The following SYNE1 variants were observed in gnomAD, a reference collection of about 807,000 sequenced individuals.
SYNE1 encodes nesprin-1.
In SYNE1, 616 loss-of-function variants were observed where a neutral mutation model predicts 1,111.0. The observed-to-expected ratio is 0.55, with a 90% confidence interval of 0.52 to 0.59. The LOEUF (loss-of-function observed/expected upper bound fraction) is 0.59. Among genes scored for constraint, SYNE1 ranks in the 20% least tolerant of loss-of-function variants. SYNE1 has a pLI of 0.00. For missense variants in SYNE1, 10,006 were observed against 10,417.0 expected (o/e 0.96, Z 1.72); for synonymous variants, 3,855 against 3,825.8 (o/e 1.01, Z -0.28).
chr6:152,139,896 G>T, intron 140 of SYNE1, 54 bp downstream of exon 140: 1 of 1,584,900 alleles, frequency 6.3e-7, no homozygotes, highest in Non-Finnish European at 8.6e-7. Context: ...CTGCACGGTC[G>T]TTCACGCGGT....
intron 93 of SYNE1, among the ~76,000 whole-genome samples, chr6:152,299,353 A>G (rs972477768): frequency 6.6e-6 from 1 of 152,238 alleles, no homozygotes; most frequent in Non-Finnish European, 1.5e-5. Context: ...AGTAATACAT[A>G]TTTTAAAATG....
chr6:152,254,910 T>G lies in SYNE1; in HGVS notation c.19440A>C (p.Lys6480Asn). 1 of 1,613,968 alleles carries G rather than the reference T, an allele frequency of 6.2e-7. No homozygotes were observed. Among genetic ancestry groups the G allele is most frequent in the Non-Finnish European group, 8.5e-7 (1 of 1,179,934 alleles). ...SVVNQRCHQMKERLQQILNFQ... is the reference protein window; with the variant it reads ...SVVNQRCHQMNERLQQILNFQ... ...AATTTAGTATTTGCTGAAGTCTTTC[T>G]TTCATCTGATGACATCGTTGATTCA... Residue 6480 changes from lysine (K) to asparagine (N), a missense_variant, in exon 104 of 146, where the codon AAA becomes AAC. By Grantham distance (94) the Lys-to-Asn change is moderately conservative. Transcript: ENST00000367255.
chr6:152,348,291 A>G (rs1002540087), intron 72 of SYNE1, among the ~76,000 whole-genome samples: 5 of 152,214 alleles, frequency 3.3e-5, no homozygotes, highest in African/African-American at 1.2e-4. Context: ...CAGGCTTTAG[A>G]CACAGCTCGG....
intron 60 of SYNE1, 150 bp from the exon 61 acceptor site, chr6:152,369,277 C>G: frequency 7.4e-7 from 1 of 1,349,210 alleles, no homozygotes. Context: ...CCGTGGAGCA[C>G]AAATCATGGA....
chr6:152,310,830 G>C lies in SYNE1; in HGVS notation c.16754C>G (p.Ala5585Gly). The C allele has an allele frequency of 6.2e-7, 1 of 1,614,030 alleles. No individual in the cohort carries two copies. ...ESKEIDSELE[A>G]MTEKLQYLTS... is the part of the protein sequence containing the mutation. ...GAGGTACTGTAATTTCTCAGTCATT[G>C]CTTCCAGCTCACTGTCAATTTCTTT... is the stretch of plus-strand genomic sequence containing the variant. Residue 5585 changes from alanine to glycine, a missense_variant, in exon 88 of 146, where the codon GCA becomes GGA. Transcript: ENST00000367255.
At chr6:152,544,462 A>T (rs1210131951) in intron 3 of SYNE1, among the ~76,000 whole-genome samples, 2 of 152,130 alleles carry the variant, frequency 1.3e-5, no homozygotes, top group African/African-American at 4.8e-5. Context: ...TACAGGCCTC[A>T]GGAATTGGAG....
At chr6:152,533,586 T>C (rs1455278102) in intron 4 of SYNE1, among the ~76,000 whole-genome samples, 1 of 152,088 alleles carries the variant, frequency 6.6e-6, no homozygotes, top group Non-Finnish European at 1.5e-5. Flanking sequence ...CCTCTACTGC[T>C]ACTATCTTGG....
At position 152,462,797 on chromosome 6, in the gene SYNE1, G is replaced by A. The variant is rs778291618; in HGVS notation, c.2191C>T (p.Leu731Phe). 1 of 1,614,012 alleles carries A rather than the reference G, an allele frequency of 6.2e-7. No individual in the cohort carries two copies. Among genetic ancestry groups the A allele is most frequent in the Non-Finnish European group, 8.5e-7 (1 of 1,179,942 alleles). The change falls in exon 20 of 146, where the codon CTT becomes TTT. Residue 731 changes from leucine (L) to phenylalanine (F), a missense_variant. Transcript: ENST00000367255. ...AAAGAGACTTCTAAGGGTTCAGAAA[G>A]TTTCTTATGGGCTTCCGTTGCAAAA... ...SAFATEAHKK[L>F]SEPLEVSFMN...
rs561497164 is a variant in SYNE1, at chr6:152,491,514, G to A, written c.940-3011C>T. On this transcript the variant is annotated intron_variant, in intron 11 of 145. Coordinates refer to ENST00000367255, the MANE Select transcript of SYNE1 (RefSeq NM_182961.4). The stretch of plus-strand genomic sequence containing the variant: ...AGAACTTAAAACCTCTTCATCTCAC[G>A]CCTGACCTAAAACCTTACTGCCTTA... 8.6e-5 allele frequency among the ~76,000 whole-genome samples: 13 copies of A among 151,996 alleles called. 1 individual carries two copies. In the South Asian group the frequency reaches 2.3e-3, roughly 27 times the overall value.
At position 152,308,590 on chromosome 6, in the gene SYNE1, G is replaced by A; in HGVS notation, c.17245C>T (p.His5749Tyr). The A allele has an allele frequency of 1.2e-6, 2 of 1,608,760 alleles. No individual in the cohort carries two copies. Among genetic ancestry groups the A allele is most frequent in the Non-Finnish European group, 1.7e-6 (2 of 1,178,162 alleles). The change falls in exon 91 of 146, where the codon CAT becomes TAT. Residue 5749 changes from histidine (H) to tyrosine (Y), a missense_variant. This residue lies in a region of SYNE1 where 4,955 missense variants were observed against 5,017.2 expected (regional missense o/e 0.99). Coordinates refer to ENST00000367255, the MANE Select transcript of SYNE1 (RefSeq NM_182961.4). Reference protein sequence around the residue: ...QYEQYEQEMKHLQQLIEGAHR... With the variant: ...QYEQYEQEMKYLQQLIEGAHR... ...GCTCCTTCTATCAGTTGCTGGAGAT[G>A]TTTCATTTCTTGCTCATATTGTTCA... is the stretch of plus-strand genomic sequence containing the variant.
At position 152,180,314 on chromosome 6, in the gene SYNE1, A is replaced by T; in HGVS notation, c.23302-20T>A. ...GGAGAGCTGAAAAGTTTAAAATGGG[A>T]GAATAGGCAAAATGATTATCAGAGA... is the stretch of plus-strand genomic sequence containing the variant. On this transcript the variant is annotated intron_variant, in intron 128 of 145. Coordinates refer to ENST00000367255, the MANE Select transcript of SYNE1 (RefSeq NM_182961.4). 1 of 1,613,274 alleles carries T rather than the reference A, an allele frequency of 6.2e-7. No individual in the cohort carries two copies. Among genetic ancestry groups the T allele is most frequent in the African/African-American group, 1.3e-5 (1 of 75,038 alleles).
In SYNE1 at chr6:152,124,730, C is replaced by G. The variant is rs79997465; in HGVS notation, c.26154-2054G>C. Among the ~76,000 whole-genome samples, 31 of 152,092 alleles carry G rather than the reference C, an allele frequency of 2.0e-4. No individual in the cohort carries two copies. In the East Asian group the frequency reaches 5.8e-3, roughly 28 times the overall value. ...TATATTTTGTGAAAATATAGTAGAA[C>G]ATAAAAGAAGTATGTCATATACCTT... On this transcript the variant is annotated intron_variant, in intron 145 of 145. Coordinates refer to ENST00000367255, the MANE Select transcript of SYNE1 (RefSeq NM_182961.4).
intron 137 of SYNE1, 194 bp downstream of exon 137, chr6:152,147,851 A>G (rs1013084076): frequency 6.6e-6 from 4 of 604,376 alleles, no homozygotes; most frequent in Admixed American, 5.3e-5. Context: ...CCACAAATCT[A>G]CGTGGAATAA....
chr6:152,188,985 ATATATATATATATATATATAT>A (rs1429694584), intron 128 of SYNE1, among the ~76,000 whole-genome samples: 407 of 14,782 alleles, frequency 0.028, 18 homozygotes, highest in African/African-American at 0.083. Context: ...AAAAAAAAAA[ATATATATATATATATATATAT>A]ATATATATAT....
rs1198716202 is a variant in SYNE1, at chr6:152,293,538, A to G, written c.18012+50T>C. 27 of 1,608,362 alleles carry G rather than the reference A, an allele frequency of 1.7e-5. No individual in the cohort carries two copies. The East Asian group carries it at 6.0e-4, about 36-fold the overall frequency. On this transcript the variant is annotated intron_variant, in intron 95 of 145. Transcript: ENST00000367255. ...ATGCCTGACAGGCCAACCAGTCACA[A>G]CAGTGCCTTATTCAATCAAGTAGGA...
At chr6:152,599,296 A>G (rs1456291671) in intron 3 of SYNE1, among the ~76,000 whole-genome samples, 1 of 152,194 alleles carries the variant, frequency 6.6e-6, no homozygotes, top group African/African-American at 2.4e-5. Flanking sequence ...ACAGAGGAAG[A>G]ATGCTCTTTG....
intron 130 of SYNE1, among the ~76,000 whole-genome samples, chr6:152,166,628 T>C (rs1026954780): frequency 2.0e-5 from 3 of 152,240 alleles, no homozygotes; most frequent in Admixed American, 6.5e-5. Flanking sequence ...GTATGCAATA[T>C]GTCAAGGGCA....
intron 74 of SYNE1, among the ~76,000 whole-genome samples, chr6:152,340,666 A>G (rs182093494): frequency 6.6e-6 from 1 of 152,230 alleles, no homozygotes; most frequent in East Asian, 1.9e-4. Flanking sequence ...AGAAGGTTCC[A>G]TTTGAGAAAA....
At position 152,465,891 on chromosome 6, in the gene SYNE1, G is replaced by A. The variant is rs142467232; in HGVS notation, c.1729+91C>T. 2.8e-3 allele frequency: 2,749 copies of A among 964,598 alleles called. 25 individuals carry two copies. The Middle Eastern group carries it at 0.039, about 14-fold the overall frequency. The allele number at this position is 964,598 out of a possible 1,614,324, so 59.8% of individuals were successfully genotyped here. On this transcript the variant is annotated intron_variant, in intron 17 of 145. Transcript: ENST00000367255. Reference sequence around the variant, plus strand: ...TGGCAAGGTCACTCAAAAATTCCACGGACAGAAAGAATGATCTGATCAGAT... The same window carrying A: ...TGGCAAGGTCACTCAAAAATTCCACAGACAGAAAGAATGATCTGATCAGAT...
Sources: allele counts gnomAD v4.1 joint callset (sites outside exome capture counted in the v4.1 genomes callset), GRCh38; gene constraint gnomAD v4.1.1; regional missense constraint gnomAD v4.1.1; transcripts MANE v1.5; gene names NCBI Gene and HGNC (gene_info 2026-07-23, HGNC 2026-07-21).